The following KAT8 variants were observed in gnomAD, a reference collection of about 807,000 sequenced individuals.
KAT8 encodes the protein lysine acetyltransferase 8.
A neutral mutation model predicts 62.9 loss-of-function variants in KAT8; 40 were observed. That is an observed-to-expected ratio of 0.64 (90% CI 0.49 to 0.83). The LOEUF is 0.83. Among genes scored for constraint, KAT8 ranks in the 40% least tolerant of loss-of-function variants. The pLI is 0.00. For synonymous variants in KAT8, 278 were observed against 254.5 expected, an observed-to-expected ratio of 1.09 and a Z score of -0.88; for missense variants, 387 against 614.8, an observed-to-expected ratio of 0.63 and a Z score of 3.92.
At chr16:31,128,220 A>T (rs2057547968) in intron 6 of KAT8, 81 bp downstream of exon 6, 4 of 1,116,524 alleles carry the variant, frequency 3.6e-6, no homozygotes, top group Non-Finnish European at 5.4e-6. Flanking sequence ...ACCAAAGGGG[A>T]GGGGGCAGCC....
chr16:31,129,376 T>G (rs2143991681), intron 6 of KAT8, among the ~76,000 whole-genome samples: 1 of 152,306 alleles, frequency 6.6e-6, no homozygotes, highest in African/African-American at 2.4e-5. Context: ...CTGCCAGCTT[T>G]GAGGCTCTGG....
chr16:31,131,245 C>T lies in KAT8; in HGVS notation c.1363C>T (p.Leu455Phe). The T allele has an allele frequency of 6.2e-7, 1 of 1,614,220 alleles. No homozygotes were observed. The highest frequency in any genetic ancestry group is 8.5e-7 in the Non-Finnish European group (1 of 1,180,024). ...ACCCCCCAAGCACAAGCAAGTCAAG[C>T]TCTCCAAGAAGTGAGCAGCCTGGCC... ...WAPPKHKQVK[L>F]SKK The change falls in exon 11 of 11, where the codon CTC becomes TTC. Residue 455 changes from leucine to phenylalanine, a missense_variant. Transcript: ENST00000219797.
chr16:31,128,235 C>A (rs1161278879), intron 6 of KAT8, 96 bp downstream of exon 6: 3 of 955,918 alleles, frequency 3.1e-6, no homozygotes, highest in Non-Finnish European at 5.0e-6. Context: ...GCAGCCTTAG[C>A]TGAGCCTCTA....
In KAT8 at chr16:31,128,192, C is replaced by T. The variant is rs2057547857; in HGVS notation, c.771+53C>T. 9.5e-6 allele frequency: 13 copies of T among 1,368,200 alleles called. 1 individual carries two copies. In the South Asian group the frequency reaches 1.5e-4, roughly 16 times the overall value. 84.8% of individuals were successfully genotyped at this position (1,368,200 alleles called of 1,614,324 possible). A position where few individuals can be genotyped will look rare whatever the true frequency, so the allele number is the denominator to read the frequency against. On this transcript the variant is annotated intron_variant, in intron 6 of 10. Coordinates refer to ENST00000219797, the MANE Select transcript of KAT8 (RefSeq NM_032188.3). The stretch of plus-strand genomic sequence containing the variant: ...GGCCGGGGAGGCCCTGGGCACCTCC[C>T]AGATGATCCTCATCACCACCAAAGG...
At chr16:31,122,121 A>C (rs1448398913) in intron 3 of KAT8, 1 of 152,230 alleles carries the variant, frequency 6.6e-6, no homozygotes, top group Non-Finnish European at 1.5e-5. Context: ...GTCTCCAGAC[A>C]CCCAGACATT....
At position 31,117,666 on chromosome 16, in the gene KAT8, C is replaced by A; in HGVS notation, c.-16C>A. On this transcript the variant is annotated 5_prime_UTR_variant, in exon 1 of 11. Coordinates refer to ENST00000219797, the MANE Select transcript of KAT8 (RefSeq NM_032188.3). ...ACTGCGTGGCGTCCGATTCTGGCGT[C>A]ACTTCCCTTCCCGCGATGGCGGCAC... The A allele has an allele frequency of 7.2e-7, 1 of 1,384,176 alleles. No homozygotes were observed. Among genetic ancestry groups the A allele is most frequent in the Admixed American group, 3.6e-5 (1 of 27,456 alleles). 85.7% of individuals were successfully genotyped at this position (1,384,176 alleles called of 1,614,324 possible).
chr16:31,119,589 C>T (rs1978486), intron 1 of KAT8, among the ~76,000 whole-genome samples: 150,199 of 152,328 alleles, frequency 0.99, 74,085 homozygotes, highest in East Asian at 1. Context: ...TTAGCTCTTA[C>T]CACTTTTCAA....
intron 3 of KAT8, chr16:31,121,011 C>G (rs548712602): frequency 6.5e-6 from 1 of 153,982 alleles, no homozygotes; most frequent in African/African-American, 2.4e-5. Context: ...GCCAGTAAAA[C>G]GGTGGGCTGG....
chr16:31,117,884 G>C lies in KAT8; in HGVS notation c.203G>C (p.Ser68Thr). Residue 68 changes from serine to threonine, a missense_variant, in exon 1 of 11, where the codon AGC becomes ACC. By Grantham distance (58) the Ser-to-Thr change is moderately conservative. This residue lies in a region of KAT8 where 69 missense variants were observed against 127.0 expected (regional missense o/e 0.54). Transcript: ENST00000219797. ...ACGTACCTGTGCCGGCGACCGGATA[G>C]CACCTGGCGTGAGGGCGGGGCCCAG... ...GETYLCRRPD[S>T]TWHSAEVIQS... The C allele has an allele frequency of 7.3e-7, 1 of 1,367,464 alleles. No individual in the cohort carries two copies. The highest frequency in any genetic ancestry group is 1.5e-5 in the African/African-American group (1 of 65,786). The allele number at this position is 1,367,464 out of a possible 1,614,324, so 84.7% of individuals were successfully genotyped here. A position where few individuals can be genotyped will look rare whatever the true frequency, so the allele number is the denominator to read the frequency against.
At chr16:31,129,964 G>A (rs1185858825) in intron 6 of KAT8, 53 bp from the exon 7 acceptor site, 1 of 1,598,230 alleles carries the variant, frequency 6.3e-7, no homozygotes, top group Non-Finnish European at 8.5e-7. Flanking sequence ...GGAACCAGCT[G>A]GGTGGGGCCT....
At chr16:31,126,540 T>G in intron 3 of KAT8, 1 of 162,620 alleles carries the variant, frequency 6.1e-6, no homozygotes, top group South Asian at 1.4e-4. Flanking sequence ...CAGGGAGGAG[T>G]GATGAGGTCC....
chr16:31,119,177 A>G (rs1436028296), intron 1 of KAT8, among the ~76,000 whole-genome samples: 20 of 151,974 alleles, frequency 1.3e-4, no homozygotes, highest in Admixed American at 1.3e-3. Context: ...TTGAGATGGA[A>G]TCGCTCTCTG....
Position 31,117,896 on chromosome 16 carries a change from A to AGGGCGGGGCCCAGGGCTGG in KAT8, c.211+14_211+32dup, listed in dbSNP as rs2057460832. The AGGGCGGGGCCCAGGGCTGG allele has an allele frequency of 2.6e-5, 26 of 1,018,408 alleles. No homozygotes were observed. The highest frequency in any genetic ancestry group is 8.7e-4 in the Middle Eastern group (2 of 2,290). 63.1% of individuals were successfully genotyped at this position (1,018,408 alleles called of 1,614,324 possible). ...CGGCGACCGGATAGCACCTGGCGTG[A>AGGGCGGGGCCCAGGGCTGG]GGGCGGGGCCCAGGGCTGGGGGCGG... On this transcript the variant is annotated splice_donor_region_variant and intron_variant, in intron 1 of 10. Coordinates refer to ENST00000219797, the MANE Select transcript of KAT8 (RefSeq NM_032188.3).
intron 3 of KAT8, chr16:31,125,619 A>G (rs1043724573): frequency 5.9e-5 from 9 of 152,828 alleles, no homozygotes; most frequent in African/African-American, 2.2e-4. Flanking sequence ...AAAAAAAAAA[A>G]AAAAAAGAAA....
intron 6 of KAT8, among the ~76,000 whole-genome samples, 161 bp from the exon 7 acceptor site, chr16:31,129,856 G>C (rs2057560165): frequency 6.6e-6 from 1 of 152,208 alleles, no homozygotes; most frequent in Admixed American, 6.5e-5. Context: ...CTCATTTCCA[G>C]TTCCCTGTTC....
At chr16:31,121,633 A>G (rs943412569) in intron 3 of KAT8, among the ~76,000 whole-genome samples, 1 of 152,094 alleles carries the variant, frequency 6.6e-6, no homozygotes, top group Non-Finnish European at 1.5e-5. Context: ...GCTGGACTTG[A>G]ACTCCTGGGC....
chr16:31,127,477 A>G (rs2057541186), intron 5 of KAT8, 124 bp downstream of exon 5: 2 of 972,242 alleles, frequency 2.1e-6, no homozygotes, highest in Non-Finnish European at 3.1e-6. Flanking sequence ...GAGCGAGTAC[A>G]GGGAAGAGCT....
Position 31,117,793 on chromosome 16 carries a change from C to A in KAT8, c.112C>A (p.Pro38Thr). ...GGCCGCTGAGGGGACCGCCCCATCC[C>A]CGGGCCGCGTCTCTCCGCCGACCCC... ...NAAAEGTAPS[P>T]GRVSPPTPAR... Residue 38 changes from proline to threonine, a missense_variant, in exon 1 of 11, where the codon CCG becomes ACG. Pro to Thr is a conservative substitution (Grantham distance 38). Transcript: ENST00000219797. 3.5e-6 allele frequency: 5 copies of A among 1,420,314 alleles called. No individual in the cohort carries two copies. Among genetic ancestry groups the A allele is most frequent in the Non-Finnish European group, 4.6e-6 (5 of 1,077,060 alleles). 88.0% of individuals were successfully genotyped at this position (1,420,314 alleles called of 1,614,324 possible). A position where few individuals can be genotyped will look rare whatever the true frequency, so the allele number is the denominator to read the frequency against.
At chr16:31,124,885 C>T (rs909757728) in intron 3 of KAT8, among the ~76,000 whole-genome samples, 1 of 151,876 alleles carries the variant, frequency 6.6e-6, no homozygotes, top group Middle Eastern at 3.4e-3. Flanking sequence ...AAAAATTAGC[C>T]GGGCTTGCTG....
Sources: allele counts gnomAD v4.1 joint callset (sites outside exome capture counted in the v4.1 genomes callset), GRCh38; gene constraint gnomAD v4.1.1; regional missense constraint gnomAD v4.1.1; transcripts MANE v1.5; gene names NCBI Gene and HGNC (gene_info 2026-07-23, HGNC 2026-07-21).